The following SPRY3 variants were observed in gnomAD, a reference collection of about 807,000 sequenced individuals.
SPRY3 encodes sprouty RTK signaling antagonist 3, also known as protein sprouty homolog 3.
A neutral mutation model predicts 20.2 loss-of-function variants in SPRY3; 15 were observed. That is an observed-to-expected ratio of 0.74 (90% CI 0.50 to 1.14). SPRY3 has a LOEUF of 1.14. Ranked by LOEUF, SPRY3 falls within the 50% of genes most tolerant of loss-of-function variation. The probability of loss-of-function intolerance (pLI) is 0.00; values close to 1 mark genes in which losing one functional copy is unlikely to be tolerated. For missense variants in SPRY3, 364 were observed against 363.9 expected, an observed-to-expected ratio of 1.00 and a Z score of 0.00; for synonymous variants, 143 against 136.5, an observed-to-expected ratio of 1.05 and a Z score of -0.33.
At chrX:155,759,216 G>T (rs1370812037) in intron 2 of SPRY3, among the ~76,000 whole-genome samples, 2 of 151,976 alleles carry the variant, frequency 1.3e-5, no homozygotes, top group South Asian at 2.1e-4. Flanking sequence ...TAGAGACTGG[G>T]TTTTGCCATG....
At chrX:155,619,236 C>T (rs1772300113) in intron 1 of SPRY3, among the ~76,000 whole-genome samples, 1 of 111,184 alleles carries the variant, frequency 9.0e-6, no homozygotes, top group Non-Finnish European at 1.9e-5. Flanking sequence ...GAAGTTCATA[C>T]TTTTGCCTAT....
intron 1 of SPRY3, among the ~76,000 whole-genome samples, chrX:155,629,431 C>A (rs1381926904): frequency 4.5e-5 from 5 of 110,679 alleles, no homozygotes; most frequent in Non-Finnish European, 7.6e-5. Context: ...GTTGGTTCCA[C>A]GTCTTTGCTA....
chrX:155,663,395 T>C (rs1379155341), intron 2 of SPRY3, among the ~76,000 whole-genome samples: 1 of 111,503 alleles, frequency 9.0e-6, no homozygotes, highest in Non-Finnish European at 1.9e-5. Context: ...AATATAAATA[T>C]ACTACAAATA....
intron 1 of SPRY3, among the ~76,000 whole-genome samples, chrX:155,627,694 C>T: frequency 9.1e-6 from 1 of 110,023 alleles, no homozygotes; most frequent in South Asian, 4.0e-4. Flanking sequence ...GATACATGTG[C>T]AGAACGTGCA....
At chrX:155,734,999 C>G (rs1304408933) in intron 2 of SPRY3, among the ~76,000 whole-genome samples, 1 of 151,566 alleles carries the variant, frequency 6.6e-6, no homozygotes, top group Non-Finnish European at 1.5e-5. Context: ...CTATTAATAG[C>G]CTTCTAAGCA....
At chrX:155,632,436 T>A (rs2067909737) in intron 1 of SPRY3, among the ~76,000 whole-genome samples, 1 of 111,698 alleles carries the variant, frequency 9.0e-6, no homozygotes, top group Non-Finnish European at 1.9e-5. Context: ...ACCTAGTGGT[T>A]CTGCTGTCCT....
At chrX:155,732,925 A>G (rs1173664610) in intron 2 of SPRY3, among the ~76,000 whole-genome samples, 1 of 151,906 alleles carries the variant, frequency 6.6e-6, no homozygotes, top group East Asian at 1.9e-4. Flanking sequence ...TTCATTTTTT[A>G]TTTTCACTTA....
intron 2 of SPRY3, among the ~76,000 whole-genome samples, chrX:155,740,974 C>T (rs192325962): frequency 9.9e-5 from 15 of 152,128 alleles, no homozygotes; most frequent in Admixed American, 2.6e-4. Context: ...ATTTCTCAGC[C>T]GGCCGACACT....
downstream of SPRY3, chrX:155,781,522 G>C (rs1603017301): frequency 6.0e-6 from 1 of 166,998 alleles, no homozygotes; most frequent in Non-Finnish European, 1.5e-5. Context: ...CCGTGAGTTA[G>C]TGACCAAGTC....
chrX:155,734,356 G>A (rs1251158852), intron 2 of SPRY3, among the ~76,000 whole-genome samples: 4 of 151,938 alleles, frequency 2.6e-5, no homozygotes, highest in African/African-American at 9.7e-5. Context: ...CCAGTCAGTG[G>A]AGCAGTCAGA....
chrX:155,696,040 T>C (rs2068117365), intron 2 of SPRY3, among the ~76,000 whole-genome samples: 1 of 110,904 alleles, frequency 9.0e-6, no homozygotes, highest in African/African-American at 3.3e-5. Flanking sequence ...TTGTGGACAT[T>C]ATGTTATGGA....
intron 2 of SPRY3, among the ~76,000 whole-genome samples, chrX:155,763,250 A>G (rs1288304195): frequency 6.6e-6 from 1 of 152,120 alleles, no homozygotes; most frequent in Non-Finnish European, 1.5e-5. Context: ...AAAGTTCTTT[A>G]CAACTCTAAT....
intron 2 of SPRY3, among the ~76,000 whole-genome samples, chrX:155,676,065 A>AT (rs1208557823): frequency 9.2e-6 from 1 of 108,682 alleles, no homozygotes; most frequent in African/African-American, 3.3e-5. Flanking sequence ...AATTTCTCTT[A>AT]TTTTTTTTTG....
intron 1 of SPRY3, among the ~76,000 whole-genome samples, chrX:155,614,274 A>G (rs1557348656): frequency 8.9e-6 from 1 of 111,979 alleles, no homozygotes; most frequent in Non-Finnish European, 1.9e-5. Flanking sequence ...TGGGAAAACA[A>G]AAAAAGTTTT....
intron 2 of SPRY3, among the ~76,000 whole-genome samples, chrX:155,763,578 T>C (rs754732459): frequency 7.9e-5 from 12 of 152,324 alleles, no homozygotes; most frequent in African/African-American, 2.6e-4. Context: ...TCATTCGAGT[T>C]ATTCTCCAGC....
intron 2 of SPRY3, among the ~76,000 whole-genome samples, chrX:155,692,203 C>CAAAATCAA (rs2124575036): frequency 9.0e-6 from 1 of 110,551 alleles, no homozygotes; most frequent in African/African-American, 3.3e-5. Context: ...ACATTTAGCT[C>CAAAATCAA]CCTGGTTGAT....
intron 2 of SPRY3, among the ~76,000 whole-genome samples, chrX:155,718,146 T>G (rs2091034451): frequency 6.6e-6 from 1 of 152,106 alleles, no homozygotes. Flanking sequence ...TCCAGAGCCC[T>G]GTAATGTCCA....
At chrX:155,720,183 G>T (rs1433404561) in intron 2 of SPRY3, among the ~76,000 whole-genome samples, 1 of 152,168 alleles carries the variant, frequency 6.6e-6, no homozygotes, top group Non-Finnish European at 1.5e-5. Context: ...GCCTGTGATC[G>T]TGTTGGCCAC....
intron 1 of SPRY3, among the ~76,000 whole-genome samples, chrX:155,653,716 ATTGAT>A (rs2067983920): frequency 1.8e-5 from 2 of 112,133 alleles, no homozygotes; most frequent in Admixed American, 1.9e-4. Context: ...TGTTTTCTAA[ATTGAT>A]TTGGCTACTT....
Sources: gnomAD v4.1 joint callset for allele counts (sites outside exome capture counted in the v4.1 genomes callset) on GRCh38, gnomAD v4.1.1 for gene constraint, MANE v1.5 for transcripts, NCBI Gene and HGNC (gene_info 2026-07-23, HGNC 2026-07-21) for gene names.